The following LDLRAD4 variants were observed in gnomAD, a reference collection of about 807,000 sequenced individuals.
LDLRAD4 encodes low density lipoprotein receptor class A domain containing 4.
In LDLRAD4, 5 loss-of-function variants were observed where a neutral mutation model predicts 17.0. That is an observed-to-expected ratio of 0.29 (90% CI 0.15 to 0.62). LDLRAD4 has a LOEUF of 0.62. Among genes scored for constraint, LDLRAD4 ranks in the 20% least tolerant of loss-of-function variants. The pLI, the probability that LDLRAD4 is intolerant of heterozygous loss-of-function variation, is 0.84. For missense variants in LDLRAD4, 340 were observed against 424.7 expected (o/e 0.80, Z 1.75); for synonymous variants, 168 against 171.8 (o/e 0.98, Z 0.17).
At chr18:13,243,330 C>G (rs1453961063) in intron 1 of LDLRAD4, among the ~76,000 whole-genome samples, 1 of 152,148 alleles carries the variant, frequency 6.6e-6, no homozygotes, top group East Asian at 1.9e-4. Context: ...GAATATCTCT[C>G]AACCTATGAG....
chr18:13,550,572 G>A (rs536527392), intron 3 of LDLRAD4, among the ~76,000 whole-genome samples: 16 of 152,228 alleles, frequency 1.1e-4, no homozygotes, highest in Non-Finnish European at 8.8e-5. Flanking sequence ...CCAGGAGGAA[G>A]GCTCAAGGCA....
intron 3 of LDLRAD4, among the ~76,000 whole-genome samples, chr18:13,475,632 C>T (rs377752334): frequency 3.0e-4 from 45 of 152,152 alleles, no homozygotes; most frequent in African/African-American, 1.0e-3. Context: ...ATGGTGCACA[C>T]GGACTCCCAT....
intron 3 of LDLRAD4, among the ~76,000 whole-genome samples, chr18:13,481,137 G>C (rs1600698474): frequency 6.6e-6 from 1 of 152,212 alleles, no homozygotes; most frequent in Admixed American, 6.5e-5. Context: ...TGGAAGCTGA[G>C]AGCAGTTTGG....
chr18:13,548,855 C>A (rs962946917), intron 3 of LDLRAD4, among the ~76,000 whole-genome samples: 1 of 152,230 alleles, frequency 6.6e-6, no homozygotes, highest in Non-Finnish European at 1.5e-5. Context: ...ATGGCAGCGG[C>A]CATTCTAGAC....
At chr18:13,338,819 A>G (rs1381200063) in intron 1 of LDLRAD4, among the ~76,000 whole-genome samples, 1 of 152,164 alleles carries the variant, frequency 6.6e-6, no homozygotes, top group African/African-American at 2.4e-5. Flanking sequence ...CTCAGGGTGC[A>G]GAAGAGAGGG....
At chr18:13,436,862 T>C (rs1329910293) in intron 2 of LDLRAD4, among the ~76,000 whole-genome samples, 1 of 152,248 alleles carries the variant, frequency 6.6e-6, no homozygotes, top group Non-Finnish European at 1.5e-5. Context: ...TATTCTAAAC[T>C]AGGTCAGCAG....
At chr18:13,408,347 C>G (rs1235225057) in intron 2 of LDLRAD4, among the ~76,000 whole-genome samples, 2 of 135,206 alleles carry the variant, frequency 1.5e-5, no homozygotes, top group Non-Finnish European at 3.0e-5. Flanking sequence ...GCACTCCAGT[C>G]TGGCTGACAG....
intron 1 of LDLRAD4, among the ~76,000 whole-genome samples, chr18:13,325,762 T>C (rs116470114): frequency 0.026 from 3,918 of 152,010 alleles, 150 homozygotes; most frequent in African/African-American, 0.079. Context: ...TTTTCCTTTT[T>C]TTTTTTTTGA....
chr18:13,284,724 G>T (rs2045510531), intron 1 of LDLRAD4, among the ~76,000 whole-genome samples: 1 of 152,134 alleles, frequency 6.6e-6, no homozygotes, highest in Non-Finnish European at 1.5e-5. Flanking sequence ...CGGTTTGGGG[G>T]GCAGTGCACC....
intron 1 of LDLRAD4, among the ~76,000 whole-genome samples, chr18:13,295,913 A>G (rs1243810430): frequency 1.3e-5 from 2 of 152,200 alleles, no homozygotes; most frequent in African/African-American, 2.4e-5. Context: ...GTAAAGTTGG[A>G]GCTTTGGGAC....
At chr18:13,346,110 G>A (rs2082672197) in intron 1 of LDLRAD4, among the ~76,000 whole-genome samples, 1 of 152,028 alleles carries the variant, frequency 6.6e-6, no homozygotes, top group African/African-American at 2.4e-5. Context: ...GTTATTTCTT[G>A]CCTTATGCTA....
At chr18:13,296,684 G>A (rs564632087) in intron 1 of LDLRAD4, among the ~76,000 whole-genome samples, 10 of 151,548 alleles carry the variant, frequency 6.6e-5, no homozygotes, top group African/African-American at 2.4e-4. Flanking sequence ...GCCATAAACA[G>A]CCTTTTATTA....
chr18:13,227,193 G>A (rs1040466435), intron 1 of LDLRAD4, among the ~76,000 whole-genome samples: 2 of 152,324 alleles, frequency 1.3e-5, no homozygotes, highest in Admixed American at 6.5e-5. Context: ...CCCTTCCAGA[G>A]TTGCAACAAC....
At chr18:13,421,989 A>G (rs2089506205) in intron 2 of LDLRAD4, among the ~76,000 whole-genome samples, 1 of 152,208 alleles carries the variant, frequency 6.6e-6, no homozygotes. Context: ...CATGCTTCTG[A>G]TGCTCATTAC....
intron 2 of LDLRAD4, among the ~76,000 whole-genome samples, chr18:13,425,677 C>T (rs2089874328): frequency 6.6e-6 from 1 of 152,328 alleles, no homozygotes; most frequent in Middle Eastern, 3.4e-3. Flanking sequence ...AGCGTTCAGG[C>T]TGGAGTGAGG....
chr18:13,349,760 TG>T (rs2082932603), intron 1 of LDLRAD4, among the ~76,000 whole-genome samples: 1 of 152,196 alleles, frequency 6.6e-6, no homozygotes, highest in South Asian at 2.1e-4. Flanking sequence ...ATTAGCTATT[TG>T]TTCTAATGCT....
In LDLRAD4 at chr18:13,590,386, G is replaced by A. The variant is rs574468533; in HGVS notation, c.182-30731G>A. Among the ~76,000 whole-genome samples the A allele has an allele frequency of 1.8e-4, 27 of 152,186 alleles. 1 individual carries two copies. The South Asian group carries it at 4.6e-3, about 26-fold the overall frequency. On this transcript the variant is annotated intron_variant, in intron 3 of 5. Coordinates refer to ENST00000359446, the Ensembl canonical transcript of LDLRAD4. ...GTATGTGCACGTGTTGTGTGTGTGC[G>A]CCTGCACACGGAGAGCCCACTCATA... is the stretch of plus-strand genomic sequence containing the variant.
rs932534428 is a variant in LDLRAD4 at position 13,367,790 on chromosome 18, G to A, written c.-382-19551G>A. 3.9e-5 allele frequency among the ~76,000 whole-genome samples: 6 copies of A among 151,910 alleles called. No homozygotes were observed. The highest frequency in any genetic ancestry group is 1.5e-4 in the African/African-American group (6 of 41,346). ...CTGAGAGGGGACAGCGGGGCCTGGG[G>A]GCACGTGCTTTCAGGGGATGTACTG... On this transcript the variant is annotated intron_variant, in intron 1 of 5. Coordinates refer to ENST00000359446, the Ensembl canonical transcript of LDLRAD4. The surrounding 1 kb of genome is among the most constrained non-coding windows in gnomAD (Gnocchi z 4.1).
At chr18:13,569,958 T>A (rs2094662686) in intron 3 of LDLRAD4, among the ~76,000 whole-genome samples, 1 of 152,186 alleles carries the variant, frequency 6.6e-6, no homozygotes, top group Admixed American at 6.5e-5. Flanking sequence ...TTTAGTTTTT[T>A]GTTTTAAAAG....
Sources: allele counts gnomAD v4.1 joint callset (sites outside exome capture counted in the v4.1 genomes callset), GRCh38; gene constraint gnomAD v4.1.1; non-coding constraint Gnocchi (gnomAD v3.1); transcripts MANE v1.5; gene names NCBI Gene and HGNC (gene_info 2026-07-23, HGNC 2026-07-21).